The following MNAT1 variants were observed in gnomAD, a reference collection of about 807,000 sequenced individuals.
MNAT1 encodes the protein CDK-activating kinase assembly factor MAT1.
In MNAT1, 43 loss-of-function variants were observed where a neutral mutation model predicts 42.0. That is an observed-to-expected ratio of 1.02 (90% CI 0.80 to 1.32). The LOEUF (loss-of-function observed/expected upper bound fraction) is 1.32. Among genes scored for constraint, MNAT1 ranks in the 40% most tolerant of loss-of-function variants. The probability of loss-of-function intolerance (pLI) is 0.00; values close to 1 mark genes in which losing one functional copy is unlikely to be tolerated. For missense variants in MNAT1, 306 were observed against 350.4 expected (o/e 0.87, Z 1.01); for synonymous variants, 118 against 120.0 (o/e 0.98, Z 0.11).
intron 7 of MNAT1, among the ~76,000 whole-genome samples, chr14:60,921,295 A>G (rs2035654657): frequency 1.3e-5 from 2 of 152,202 alleles, no homozygotes; most frequent in African/African-American, 4.8e-5. Context: ...TTGGAGTCAC[A>G]TGTATCTGTT....
chr14:60,818,704 C>A lies in MNAT1; in HGVS notation c.562-18C>A. 6.5e-7 allele frequency: 1 copy of A among 1,541,968 alleles called. No individual in the cohort carries two copies. Among genetic ancestry groups the A allele is most frequent in the Non-Finnish European group, 8.8e-7 (1 of 1,142,106 alleles). ...TTCCCTTTTTACATTTCTTATTGAACTTGAACTATTCTTACAGGAGAGTTC... is the reference window on the plus strand; with the variant it reads ...TTCCCTTTTTACATTTCTTATTGAAATTGAACTATTCTTACAGGAGAGTTC... On this transcript the variant is annotated intron_variant, in intron 5 of 7. Transcript: ENST00000261245.
At chr14:60,873,998 C>T (rs953149907) in intron 6 of MNAT1, among the ~76,000 whole-genome samples, 7 of 152,008 alleles carry the variant, frequency 4.6e-5, no homozygotes, top group Non-Finnish European at 8.8e-5. Flanking sequence ...GATTATATTT[C>T]TCATTGCTTT....
intron 1 of MNAT1, among the ~76,000 whole-genome samples, chr14:60,789,716 G>A (rs1166985958): frequency 6.6e-6 from 1 of 152,120 alleles, no homozygotes; most frequent in African/African-American, 2.4e-5. Context: ...ACTATCACAT[G>A]CACACCCTTT....
intron 7 of MNAT1, among the ~76,000 whole-genome samples, chr14:60,893,079 C>T (rs532178346): frequency 2.6e-5 from 4 of 151,840 alleles, no homozygotes; most frequent in Middle Eastern, 3.4e-3. Flanking sequence ...CAATGTTATA[C>T]CTTTTGATTA....
rs183391569 is a variant in MNAT1, at chr14:60,854,748, G to A, written c.688-24966G>A. Among the ~76,000 whole-genome samples the A allele has an allele frequency of 3.4e-3, 513 of 152,320 alleles. 5 individuals carry two copies. Among genetic ancestry groups the A allele is most frequent in the Middle Eastern group, 6.8e-3 (2 of 294 alleles). ...TGACGTGTCTGTTGACCTCTGTTGG[G>A]AGGTGTCTCCCAGTCAGGAGGCACG... On this transcript the variant is annotated intron_variant, in intron 6 of 7. Coordinates refer to ENST00000261245, the MANE Select transcript of MNAT1 (RefSeq NM_002431.4).
At chr14:60,798,338 G>A (rs2032087310) in intron 3 of MNAT1, among the ~76,000 whole-genome samples, 178 bp downstream of exon 3, 1 of 152,122 alleles carries the variant, frequency 6.6e-6, no homozygotes, top group Non-Finnish European at 1.5e-5. Flanking sequence ...GCATACTTAA[G>A]TAAAGAACCT....
At chr14:60,913,048 C>T (rs2035416043) in intron 7 of MNAT1, among the ~76,000 whole-genome samples, 1 of 152,146 alleles carries the variant, frequency 6.6e-6, no homozygotes, top group South Asian at 2.1e-4. Context: ...TTTCTCTAAA[C>T]TTCTCTTCAC....
At chr14:60,764,838 G>C (rs528642900) in intron 1 of MNAT1, among the ~76,000 whole-genome samples, 2 of 152,316 alleles carry the variant, frequency 1.3e-5, no homozygotes, top group Admixed American at 6.5e-5. Flanking sequence ...GTGTAAGTAG[G>C]AGTAAGCTGT....
chr14:60,738,391 G>C (rs1279817789), intron 1 of MNAT1, among the ~76,000 whole-genome samples: 1 of 151,444 alleles, frequency 6.6e-6, no homozygotes, highest in Non-Finnish European at 1.5e-5. Flanking sequence ...GAGTAGCTGG[G>C]ACTACAGTCG....
intron 7 of MNAT1, among the ~76,000 whole-genome samples, chr14:60,949,030 A>G (rs538775446): frequency 6.6e-6 from 1 of 152,200 alleles, no homozygotes; most frequent in African/African-American, 2.4e-5. Flanking sequence ...AAGCATTTAA[A>G]ATTTATTTTT....
At position 60,968,523 on chromosome 14, in the gene MNAT1, T is replaced by C. The variant is rs1170420855; in HGVS notation, c.*174T>C. ...TAAGTTGAGTAATATAGGGGATATA[T>C]ATTTGTGAAAAATAATTTTTACTTA... is the stretch of plus-strand genomic sequence containing the variant. On this transcript the variant is annotated 3_prime_UTR_variant, in exon 8 of 8. Coordinates refer to ENST00000261245, the MANE Select transcript of MNAT1 (RefSeq NM_002431.4). The C allele has an allele frequency of 3.4e-6, 5 of 1,459,978 alleles. No individual in the cohort carries two copies. In the African/African-American group the frequency reaches 5.7e-5, roughly 17 times the overall value. The allele number at this position is 1,459,978 out of a possible 1,614,324, so 90.4% of individuals were successfully genotyped here. A position where few individuals can be genotyped will look rare whatever the true frequency, so the allele number is the denominator to read the frequency against.
At position 60,847,227 on chromosome 14, in the gene MNAT1, AC is replaced by A. The variant is rs1434549376; in HGVS notation, c.687+28384del. The stretch of plus-strand genomic sequence containing the variant: ...AGACCATCCTGGCTAACACGGTGAA[AC>A]CCCGTCTCTACTAAAAATACAAAAA... On this transcript the variant is annotated intron_variant, in intron 6 of 7. Coordinates refer to ENST00000261245, the MANE Select transcript of MNAT1 (RefSeq NM_002431.4). Among the ~76,000 whole-genome samples the A allele has an allele frequency of 2.0e-5, 3 of 151,820 alleles. No individual in the cohort carries two copies. In the East Asian group the frequency reaches 5.8e-4, roughly 29 times the overall value.
intron 7 of MNAT1, among the ~76,000 whole-genome samples, chr14:60,949,894 A>AAAAATGTTT (rs1434012316): frequency 1.3e-5 from 2 of 152,176 alleles, no homozygotes; most frequent in Non-Finnish European, 2.9e-5. Context: ...TTTTTTAAAA[A>AAAAATGTTT]CTTGAAATTG....
At chr14:60,909,436 C>G (rs1017776097) in intron 7 of MNAT1, among the ~76,000 whole-genome samples, 1 of 152,234 alleles carries the variant, frequency 6.6e-6, no homozygotes, top group African/African-American at 2.4e-5. Flanking sequence ...AGGTTTTCTT[C>G]TAGGGTTTTT....
At chr14:60,862,695 G>A (rs2034123947) in intron 6 of MNAT1, among the ~76,000 whole-genome samples, 1 of 152,004 alleles carries the variant, frequency 6.6e-6, no homozygotes, top group African/African-American at 2.4e-5. Flanking sequence ...TTAAAAAGAT[G>A]GAAAATCATA....
At chr14:60,907,782 CAAAAAAAAAAAAAA>C (rs71114166) in intron 7 of MNAT1, among the ~76,000 whole-genome samples, 1 of 77,574 alleles carries the variant, frequency 1.3e-5, no homozygotes, top group Non-Finnish European at 2.3e-5. Flanking sequence ...AACTGTGTCT[CAAAAAAAAAAAAAA>C]AAAAAAAAAG....
At chr14:60,890,878 A>C (rs1594839821) in intron 7 of MNAT1, among the ~76,000 whole-genome samples, 1 of 152,148 alleles carries the variant, frequency 6.6e-6, no homozygotes, top group Non-Finnish European at 1.5e-5. Flanking sequence ...CTTTGGCAAC[A>C]CCCTCACAGA....
At chr14:60,902,935 A>G (rs2035103319) in intron 7 of MNAT1, among the ~76,000 whole-genome samples, 1 of 151,912 alleles carries the variant, frequency 6.6e-6, no homozygotes, top group African/African-American at 2.4e-5. Context: ...TTTATCTAGG[A>G]GTCAGTCAGC....
At chr14:60,811,650 A>G in intron 4 of MNAT1, among the ~76,000 whole-genome samples, 1 of 151,900 alleles carries the variant, frequency 6.6e-6, no homozygotes, top group East Asian at 1.9e-4. Context: ...TAGTCCTCCT[A>G]TTGTCAGTCT....
Sources: gnomAD v4.1 joint callset for allele counts (sites outside exome capture counted in the v4.1 genomes callset) on GRCh38, gnomAD v4.1.1 for gene constraint, MANE v1.5 for transcripts, NCBI Gene and HGNC (gene_info 2026-07-23, HGNC 2026-07-21) for gene names.